SLC30A7: variants seen among roughly 807,000 people sequenced by gnomAD.
The protein encoded by SLC30A7 is zinc transporter 7.
SLC30A7 carries 35 observed loss-of-function variants against 46.0 expected under a neutral mutation model. The observed-to-expected ratio is 0.76, with a 90% CI of 0.58 to 1.01. SLC30A7 has a LOEUF of 1.01. Ranked by LOEUF, SLC30A7 falls within the 50% of genes least tolerant of loss-of-function variation. The pLI, the probability that SLC30A7 is intolerant of heterozygous loss-of-function variation, is 0.00. For missense variants in SLC30A7, 464 were observed against 451.1 expected (o/e 1.03, Z -0.26); for synonymous variants, 147 against 157.8 (o/e 0.93, Z 0.51).
intron 8 of SLC30A7, among the ~76,000 whole-genome samples, chr1:100,927,319 G>T (rs143340718): frequency 2.0e-5 from 3 of 152,294 alleles, no homozygotes; most frequent in Non-Finnish European, 2.9e-5. Context: ...GGAATGACCA[G>T]CGAGGTGGGA....
At chr1:100,953,252 C>G (rs1655051599) in intron 8 of SLC30A7, among the ~76,000 whole-genome samples, 1 of 152,150 alleles carries the variant, frequency 6.6e-6, no homozygotes. Flanking sequence ...ATTACGTAGT[C>G]CCAGGTAGTT....
intron 8 of SLC30A7, among the ~76,000 whole-genome samples, chr1:100,937,752 A>G (rs1654061394): frequency 6.6e-6 from 1 of 151,922 alleles, no homozygotes; most frequent in Non-Finnish European, 1.5e-5. Context: ...CTCTTTTTCC[A>G]TGATTTGCCT....
At position 100,978,381 on chromosome 1, in the gene SLC30A7, A is replaced by C. The variant is rs1332468576; in HGVS notation, c.*3524A>C. On this transcript the variant is annotated 3_prime_UTR_variant, in exon 11 of 11. Transcript: ENST00000357650. ...ATTATGGAATAATCAGTTTTTACAG[A>C]GATTATTAATATGGTAGAACCCTGT... 1 of 152,206 alleles carries C rather than the reference A, an allele frequency of 6.6e-6. No individual in the cohort carries two copies. The highest frequency in any genetic ancestry group is 1.5e-5 in the Non-Finnish European group (1 of 68,026). 9.4% of individuals were successfully genotyped at this position (152,206 alleles called of 1,614,324 possible). A position where few individuals can be genotyped will look rare whatever the true frequency, so the allele number is the denominator to read the frequency against.
Position 100,965,880 on chromosome 1 carries a change from A to AG in SLC30A7, c.1047dup (p.Trp350ValfsTer8). On this transcript the variant is annotated frameshift_variant, in exon 10 of 11. Coordinates refer to ENST00000357650, the MANE Select transcript of SLC30A7 (RefSeq NM_133496.5). LOFTEE classifies it high-confidence loss of function. ...AATAGTAGCACCTGATGCTGATGCT[A>AG]GGTGGATTTTAAGCCAAACACATAA... The AG allele has an allele frequency of 6.2e-7, 1 of 1,613,880 alleles. No individual in the cohort carries two copies. Among genetic ancestry groups the AG allele is most frequent in the Non-Finnish European group, 8.5e-7 (1 of 1,179,918 alleles).
chr1:100,935,292 T>G (rs781613799), intron 8 of SLC30A7, among the ~76,000 whole-genome samples: 64 of 152,234 alleles, frequency 4.2e-4, no homozygotes, highest in Non-Finnish European at 7.8e-4. Flanking sequence ...AAACCTGGGT[T>G]CCTCACATAG....
At chr1:100,960,418 T>C (rs1363431089) in intron 8 of SLC30A7, among the ~76,000 whole-genome samples, 1 of 152,186 alleles carries the variant, frequency 6.6e-6, no homozygotes, top group African/African-American at 2.4e-5. Context: ...TAACCAACAA[T>C]TGGGCCCACT....
rs1015110805 is a variant in SLC30A7, at chr1:100,976,067, CAA to C, written c.*1213_*1214del. ...TAAATTACTTTGTGGACTGTGTTTT[CAA>C]AACTTTGCAAATTCATCTGTTACAC... On this transcript the variant is annotated 3_prime_UTR_variant, in exon 11 of 11. Coordinates refer to ENST00000357650, the MANE Select transcript of SLC30A7 (RefSeq NM_133496.5). 2 of 152,434 alleles carry C rather than the reference CAA, an allele frequency of 1.3e-5. No individual in the cohort carries two copies. The highest frequency in any genetic ancestry group is 4.8e-5 in the African/African-American group (2 of 41,398). 9.4% of individuals were successfully genotyped at this position (152,434 alleles called of 1,614,324 possible).
intron 7 of SLC30A7, among the ~76,000 whole-genome samples, chr1:100,918,781 C>T (rs1166499201): frequency 6.6e-6 from 1 of 152,096 alleles, no homozygotes; most frequent in East Asian, 1.9e-4. Context: ...CTGTAGAGTA[C>T]AGTATCAGTT....
intron 6 of SLC30A7, among the ~76,000 whole-genome samples, chr1:100,916,451 C>T (rs1413281270): frequency 1.3e-5 from 2 of 152,122 alleles, no homozygotes; most frequent in African/African-American, 4.8e-5. Context: ...TCCCGAACTG[C>T]TGAGATTACA....
rs529009849 is a variant in SLC30A7, at chr1:100,964,062, A to G, written c.934-1707A>G. 2.0e-5 allele frequency among the ~76,000 whole-genome samples: 3 copies of G among 152,172 alleles called. No homozygotes were observed. In the East Asian group the frequency reaches 5.8e-4, roughly 29 times the overall value. ...TTTTCTTTTTACTTCTGTTTTCTCT[A>G]TAATGTACCAGGCAGTGTAATCATG... On this transcript the variant is annotated intron_variant, in intron 9 of 10. Coordinates refer to ENST00000357650, the MANE Select transcript of SLC30A7 (RefSeq NM_133496.5).
At position 100,981,573 on chromosome 1, in the gene SLC30A7, T is replaced by C. The variant is rs1656932729; in HGVS notation, c.*6716T>C. The C allele has an allele frequency of 6.6e-6, 1 of 152,204 alleles. No individual in the cohort carries two copies. The allele number at this position is 152,204 out of a possible 1,614,324, so 9.4% of individuals were successfully genotyped here. On this transcript the variant is annotated 3_prime_UTR_variant, in exon 11 of 11. Coordinates refer to ENST00000357650, the MANE Select transcript of SLC30A7 (RefSeq NM_133496.5). ...TTCAAAGACTATGTTGTGATTCGGTTTGAATATGCTGAAGTGAGCAATTAT... is the reference window on the plus strand; with the variant it reads ...TTCAAAGACTATGTTGTGATTCGGTCTGAATATGCTGAAGTGAGCAATTAT...
At chr1:100,897,162 T>G (rs1032824282) in intron 2 of SLC30A7, among the ~76,000 whole-genome samples, 2 of 152,074 alleles carry the variant, frequency 1.3e-5, no homozygotes, top group Non-Finnish European at 2.9e-5. Context: ...GTCATTCTCT[T>G]CTCTCTTTAA....
chr1:100,925,763 A>G (rs1260493610), intron 8 of SLC30A7, among the ~76,000 whole-genome samples: 2 of 152,206 alleles, frequency 1.3e-5, no homozygotes, highest in Admixed American at 1.3e-4. Flanking sequence ...TTTTGGATAT[A>G]AGTTTGAGAT....
At chr1:100,993,115 A>T in the SLC30A7 span, among the ~76,000 whole-genome samples, 1 of 152,168 alleles carries the variant, frequency 6.6e-6, no homozygotes, top group Admixed American at 6.5e-5. Context: ...CCATTTTTAA[A>T]CCACATATTC....
intron 8 of SLC30A7, among the ~76,000 whole-genome samples, chr1:100,951,716 C>T (rs781254644): frequency 2.1e-4 from 32 of 152,284 alleles, no homozygotes; most frequent in Middle Eastern, 3.4e-3. Flanking sequence ...CTCCTCTGGC[C>T]AGTGAGGTCC....
chr1:100,990,306 T>G, the SLC30A7 span: 8 of 1,074,780 alleles, frequency 7.4e-6, no homozygotes, highest in Non-Finnish European at 1.1e-5. Context: ...CTGGGAATTA[T>G]GAGGATTAAA....
At chr1:100,991,850 ACTTTGGGAGG>A in the SLC30A7 span, among the ~76,000 whole-genome samples, 2 of 150,908 alleles carry the variant, frequency 1.3e-5, no homozygotes, top group East Asian at 2.0e-4. Flanking sequence ...TAATCCCAAC[ACTTTGGGAGG>A]CTTTGGGAGG....
Position 100,918,124 on chromosome 1 carries a change from C to A in SLC30A7, c.703C>A (p.Gln235Lys), listed in dbSNP as rs1477339459. 6.2e-7 allele frequency: 1 copy of A among 1,610,844 alleles called. No individual in the cohort carries two copies. The highest frequency in any genetic ancestry group is 2.2e-5 in the East Asian group (1 of 44,744). ...ETTGPSRQIL[Q>K]GVFLHILADT... ...AACAGGACCCAGCAGACAGATTTTA[C>A]AAGGTATGACAAGCAATTTTTATGT... Residue 235 changes from glutamine (Q) to lysine (K), a missense_variant, in exon 7 of 11, where the codon CAA becomes AAA. Coordinates refer to ENST00000357650, the MANE Select transcript of SLC30A7 (RefSeq NM_133496.5).
chr1:100,922,664 A>C (rs923226918), intron 8 of SLC30A7, among the ~76,000 whole-genome samples: 1 of 152,174 alleles, frequency 6.6e-6, no homozygotes, highest in African/African-American at 2.4e-5. Context: ...TTATCTTTCT[A>C]TTTCCTACTA....
Sources: allele counts gnomAD v4.1 joint callset (sites outside exome capture counted in the v4.1 genomes callset), GRCh38; gene constraint gnomAD v4.1.1; transcripts MANE v1.5; gene names NCBI Gene and HGNC (gene_info 2026-07-23, HGNC 2026-07-21).